BBS2: variants seen among roughly 807,000 people sequenced by gnomAD.
BBS2 encodes the protein Bardet-Biedl syndrome 2.
Under a neutral mutation model 83.0 loss-of-function variants are expected in BBS2, and 62 were observed. The ratio of observed to expected loss-of-function variants is 0.75; its 90% confidence interval spans 0.61 to 0.92. The LOEUF (loss-of-function observed/expected upper bound fraction) is 0.92. BBS2 is among the 40% of genes least tolerant of loss of function. The probability of loss-of-function intolerance (pLI) is 0.00; values close to 1 mark genes in which losing one functional copy is unlikely to be tolerated. For synonymous variants in BBS2, 303 were observed against 326.1 expected, an observed-to-expected ratio of 0.93 and a Z score of 0.76; for missense variants, 784 against 901.0, an observed-to-expected ratio of 0.87 and a Z score of 1.66.
intron 6 of BBS2, 23 bp downstream of exon 6, chr16:56,506,097 A>G (rs1317142330): frequency 1.9e-5 from 30 of 1,610,168 alleles, no homozygotes; most frequent in Non-Finnish European, 2.3e-5. Flanking sequence ...GCGCCTGAAT[A>G]TCAAAGGCTA....
intron 12 of BBS2, 138 bp from the exon 13 acceptor site, chr16:56,498,706 G>GAAA: frequency 8.8e-7 from 1 of 1,132,078 alleles, no homozygotes. Context: ...GCTTTGTTGA[G>GAAA]AAAAAAAAAA....
chr16:56,491,252 T>C (rs1405663486), intron 15 of BBS2, among the ~76,000 whole-genome samples: 5 of 152,162 alleles, frequency 3.3e-5, no homozygotes, highest in African/African-American at 9.6e-5. Context: ...GTGGGCCTAG[T>C]AGGGAGTGTT....
chr16:56,488,154 T>G (rs1407335228), intron 15 of BBS2, among the ~76,000 whole-genome samples: 1 of 152,108 alleles, frequency 6.6e-6, no homozygotes, highest in Admixed American at 6.5e-5. Context: ...ACCACAACAA[T>G]CAACACAGAA....
Position 56,506,036 on chromosome 16 carries a change from A to G in BBS2, c.718T>C (p.Ser240Pro). 6.2e-7 allele frequency: 1 copy of G among 1,613,756 alleles called. No homozygotes were observed. The highest frequency in any genetic ancestry group is 2.2e-5 in the East Asian group (1 of 44,856). The change falls in exon 7 of 17, where the codon TCG becomes CCG. Residue 240 changes from serine (S) to proline (P), a missense_variant and splice_region_variant. Transcript: ENST00000245157. Reference sequence around the variant, plus strand: ...TGAATGCTCATGGCATGATTTTTCGACTGAAAAAGAATTTTAATAATTAGC... The same window carrying G: ...TGAATGCTCATGGCATGATTTTTCGGCTGAAAAAGAATTTTAATAATTAGC... ...DKTSRYWRIK[S>P]KNHAMSIHAF...
intron 15 of BBS2, among the ~76,000 whole-genome samples, chr16:56,494,577 G>A (rs981471600): frequency 4.6e-5 from 7 of 152,060 alleles, no homozygotes; most frequent in African/African-American, 1.7e-4. Context: ...CATCATACAA[G>A]AAAACAAAGA....
At chr16:56,472,954 CAG>C (rs1388790698) in intron 17 of BBS2, among the ~76,000 whole-genome samples, 4 of 147,412 alleles carry the variant, frequency 2.7e-5, no homozygotes, top group Admixed American at 6.8e-5. Flanking sequence ...GGTTTGGAGA[CAG>C]AGTCTCGCTC....
intron 6 of BBS2, 26 bp from the exon 7 acceptor site, chr16:56,506,062 A>G: frequency 1.2e-6 from 2 of 1,611,608 alleles, no homozygotes; most frequent in Non-Finnish European, 1.7e-6. Context: ...AATAATTAGC[A>G]CAGAAGTCTC....
intron 1 of BBS2, among the ~76,000 whole-genome samples, chr16:56,515,571 C>T (rs544505116): frequency 1.6e-4 from 25 of 152,208 alleles, no homozygotes; most frequent in African/African-American, 6.0e-4. Flanking sequence ...ACTAGGGATC[C>T]CTCTAGCCCC....
At chr16:56,509,870 T>A in intron 5 of BBS2, 87 bp downstream of exon 5, 2 of 1,401,234 alleles carry the variant, frequency 1.4e-6, no homozygotes, top group South Asian at 2.3e-5. Flanking sequence ...GGTTTGGAGA[T>A]GCCCCAGCAC....
At chr16:56,503,732 A>G (rs1276385872) in intron 7 of BBS2, among the ~76,000 whole-genome samples, 1 of 152,196 alleles carries the variant, frequency 6.6e-6, no homozygotes, top group Non-Finnish European at 1.5e-5. Context: ...ATTCTGGCTA[A>G]CATGGTGAAA....
intron 7 of BBS2, among the ~76,000 whole-genome samples, chr16:56,503,807 T>C (rs1375093151): frequency 6.6e-6 from 1 of 151,646 alleles, no homozygotes; most frequent in Non-Finnish European, 1.5e-5. Flanking sequence ...TAGTCCCAGC[T>C]ACTAGGGAGG....
At chr16:56,504,737 T>C (rs1368986630) in intron 7 of BBS2, among the ~76,000 whole-genome samples, 2 of 152,224 alleles carry the variant, frequency 1.3e-5, no homozygotes, top group Admixed American at 6.5e-5. Flanking sequence ...TCAAGTCTAG[T>C]AGTTTTCTAA....
Position 56,519,847 on chromosome 16 carries a change from A to G in BBS2, c.16T>C (p.Phe6Leu), listed in dbSNP as rs1376607344. The change falls in exon 1 of 17, where the codon TTC becomes CTC. Residue 6 changes from phenylalanine to leucine, a missense_variant. Transcript: ENST00000245157. ...ATTTTGTGGCGCAGTTTCAGGGTGA[A>G]CACAGGCAGCAGCATGATGGCGGCG... MLLPV[F>L]TLKLRHKISP... 2 of 1,613,658 alleles carry G rather than the reference A, an allele frequency of 1.2e-6. No individual in the cohort carries two copies. Among genetic ancestry groups the G allele is most frequent in the Non-Finnish European group, 1.7e-6 (2 of 1,179,750 alleles).
intron 15 of BBS2, among the ~76,000 whole-genome samples, chr16:56,490,495 T>C (rs2144110407): frequency 6.6e-6 from 1 of 151,774 alleles, no homozygotes; most frequent in South Asian, 2.1e-4. Context: ...TCGTCTCTAC[T>C]AAAAATACAA....
chr16:56,476,439 T>G (rs1360765768), intron 17 of BBS2: 1 of 343,506 alleles, frequency 2.9e-6, no homozygotes, highest in African/African-American at 2.1e-5. Context: ...TTTTTAACAT[T>G]TAGTCCTTTT....
chr16:56,501,596 C>T, intron 9 of BBS2, 99 bp from the exon 10 acceptor site: 1 of 1,442,870 alleles, frequency 6.9e-7, no homozygotes, highest in Admixed American at 1.7e-5. Context: ...GACAGAGCCT[C>T]CAGCATATTA....
chr16:56,497,364 G>A (rs1964144265), intron 14 of BBS2: 4 of 517,692 alleles, frequency 7.7e-6, no homozygotes, highest in Non-Finnish European at 1.4e-5. Context: ...TGGGAATATT[G>A]TATACTTTGG....
At chr16:56,507,016 CT>C (rs201952433) in intron 5 of BBS2, among the ~76,000 whole-genome samples, 2,238 of 152,286 alleles carry the variant, frequency 0.015, 25 homozygotes, top group Non-Finnish European at 0.022. Flanking sequence ...ATATAATTTC[CT>C]TTACACCTAC....
chr16:56,502,522 T>A, intron 8 of BBS2, 66 bp from the exon 9 acceptor site: 1 of 1,613,056 alleles, frequency 6.2e-7, no homozygotes. Flanking sequence ...TACCTGCTCT[T>A]AAAAACAAAA....
Sources: gnomAD v4.1 joint callset for allele counts (sites outside exome capture counted in the v4.1 genomes callset) on GRCh38, gnomAD v4.1.1 for gene constraint, MANE v1.5 for transcripts, NCBI Gene and HGNC (gene_info 2026-07-23, HGNC 2026-07-21) for gene names.